Variants in STIM1 observed in about 807,000 individuals in gnomAD.
STIM1 encodes the protein stromal interaction molecule 1.
A neutral mutation model predicts 74.7 loss-of-function variants in STIM1; 25 were observed. That is an observed-to-expected ratio of 0.33 (90% CI 0.24 to 0.47). The LOEUF (loss-of-function observed/expected upper bound fraction) is 0.47. STIM1 is among the 20% of genes least tolerant of loss of function. STIM1 has a pLI of 1.00. For missense variants in STIM1, 728 were observed against 920.8 expected, an observed-to-expected ratio of 0.79 and a Z score of 2.71; for synonymous variants, 328 against 348.8, an observed-to-expected ratio of 0.94 and a Z score of 0.66.
chr11:3,867,835 A>G (rs981801757), intron 1 of STIM1, among the ~76,000 whole-genome samples: 1 of 149,314 alleles, frequency 6.7e-6, no homozygotes, highest in Non-Finnish European at 1.5e-5. Flanking sequence ...ATGACCAGAA[A>G]TCTCACTGGC....
At chr11:4,033,655 G>A (rs1056950102) in intron 3 of STIM1, among the ~76,000 whole-genome samples, 4 of 151,714 alleles carry the variant, frequency 2.6e-5, no homozygotes, top group Non-Finnish European at 2.9e-5. Context: ...GAGTGCAGTG[G>A]CATGATCTTG....
chr11:3,893,268 G>A (rs2091951846), intron 1 of STIM1, among the ~76,000 whole-genome samples: 1 of 152,114 alleles, frequency 6.6e-6, no homozygotes, highest in Non-Finnish European at 1.5e-5. Flanking sequence ...CAGCATAGAT[G>A]GACAGGGATG....
At chr11:3,992,045 A>G (rs2093618616) in intron 2 of STIM1, among the ~76,000 whole-genome samples, 1 of 140,966 alleles carries the variant, frequency 7.1e-6, no homozygotes. Context: ...AACTGTGTAT[A>G]AGTGTTTTCT....
rs546687856 is a variant in STIM1 at position 3,876,669 on chromosome 11, A to G, written c.139+20260A>G. 2.6e-5 allele frequency among the ~76,000 whole-genome samples: 4 copies of G among 152,270 alleles called. No individual in the cohort carries two copies. The South Asian group carries it at 8.3e-4, about 32-fold the overall frequency. On this transcript the variant is annotated intron_variant, in intron 1 of 12. Coordinates refer to ENST00000526596, the MANE Select transcript of STIM1 (RefSeq NM_001382567.1). The stretch of plus-strand genomic sequence containing the variant: ...AGTGATCCTCCTGCCTCCATCTCCC[A>G]AAGTGATGGAATTATGGGCCACTGG...
chr11:3,885,997 G>T (rs1045523136), intron 1 of STIM1, among the ~76,000 whole-genome samples: 1 of 152,142 alleles, frequency 6.6e-6, no homozygotes, highest in African/African-American at 2.4e-5. Flanking sequence ...ATCAATGAAG[G>T]TGTTGAGGAT....
At chr11:4,086,711 C>T (rs1444400470) in intron 12 of STIM1, 168 bp downstream of exon 12, 1 of 1,536,772 alleles carries the variant, frequency 6.5e-7, no homozygotes, top group South Asian at 1.2e-5. Flanking sequence ...ATCACCACTA[C>T]CACCACCACC....
chr11:4,021,205 A>C (rs2136006821), intron 2 of STIM1, among the ~76,000 whole-genome samples: 1 of 152,268 alleles, frequency 6.6e-6, no homozygotes, highest in South Asian at 2.1e-4. Context: ...AGCTCACTGC[A>C]GCCTCCACTT....
chr11:3,904,030 C>G (rs893414558), intron 1 of STIM1, among the ~76,000 whole-genome samples: 3 of 151,906 alleles, frequency 2.0e-5, no homozygotes, highest in Non-Finnish European at 2.9e-5. Context: ...AACCCCATCT[C>G]TACTAAAAAT....
chr11:4,003,727 G>T (rs2135923616), intron 2 of STIM1, among the ~76,000 whole-genome samples: 1 of 152,332 alleles, frequency 6.6e-6, no homozygotes, highest in Admixed American at 6.5e-5. Context: ...AGTGTTGGAA[G>T]TTCTGGCCAG....
At chr11:3,906,191 C>T (rs1462195646) in intron 1 of STIM1, among the ~76,000 whole-genome samples, 1 of 152,240 alleles carries the variant, frequency 6.6e-6, no homozygotes, top group African/African-American at 2.4e-5. Flanking sequence ...AGGATGCACT[C>T]TCTTTGGCAC....
intron 1 of STIM1, among the ~76,000 whole-genome samples, chr11:3,882,142 C>T (rs192405834): frequency 1.3e-3 from 197 of 146,398 alleles, no homozygotes; most frequent in African/African-American, 4.5e-3. Flanking sequence ...TCTTGTTGCC[C>T]AGGCTGGAGT....
chr11:4,052,917 G>A (rs867177195), intron 3 of STIM1, among the ~76,000 whole-genome samples: 42 of 152,264 alleles, frequency 2.8e-4, no homozygotes, highest in African/African-American at 1.9e-4. Flanking sequence ...AAAAGTAGGC[G>A]AAGGATATGA....
intron 2 of STIM1, among the ~76,000 whole-genome samples, chr11:3,978,621 G>T (rs2093472798): frequency 6.6e-6 from 1 of 151,764 alleles, no homozygotes; most frequent in South Asian, 2.1e-4. Context: ...ATTAGCTGGG[G>T]TTGGTATCAG....
rs141623520 is a variant in STIM1 at position 3,941,673 on chromosome 11, T to TATATAGAGAGAGAG, written c.140-25878_140-25877insTATAGAGAGAGAGA. ...GTATACATATATATATATATATATA[T>TATATAGAGAGAGAG]AGAGAGAGAGAGAGAGAGAGAGAGT... On this transcript the variant is annotated intron_variant, in intron 1 of 12. Coordinates refer to ENST00000526596, the MANE Select transcript of STIM1 (RefSeq NM_001382567.1). Among the ~76,000 whole-genome samples the TATATAGAGAGAGAG allele has an allele frequency of 1.2e-3, 105 of 90,710 alleles. 1 individual carries two copies. Among genetic ancestry groups the TATATAGAGAGAGAG allele is most frequent in the African/African-American group, 2.8e-3 (76 of 27,104 alleles). The allele number at this position is 90,710 out of a possible 152,430, so 59.5% of individuals were successfully genotyped here. A position where few individuals can be genotyped will look rare whatever the true frequency, so the allele number is the denominator to read the frequency against.
intron 1 of STIM1, among the ~76,000 whole-genome samples, chr11:3,873,187 G>A (rs1234422355): frequency 2.6e-5 from 4 of 152,086 alleles, no homozygotes; most frequent in South Asian, 2.1e-4. Flanking sequence ...AGGCCAAGGC[G>A]GGTGGATCAC....
At chr11:3,919,467 A>G (rs929276569) in intron 1 of STIM1, among the ~76,000 whole-genome samples, 8 of 151,318 alleles carry the variant, frequency 5.3e-5, no homozygotes, top group African/African-American at 9.7e-5. Context: ...TGCCTCCCAA[A>G]GTGCTGGGAT....
At chr11:3,971,799 C>A (rs1404146066) in intron 2 of STIM1, among the ~76,000 whole-genome samples, 1 of 152,154 alleles carries the variant, frequency 6.6e-6, no homozygotes, top group Non-Finnish European at 1.5e-5. Context: ...ACATTTATAA[C>A]CTTTAGAAAA....
In STIM1 at chr11:3,972,443, C is replaced by T. The variant is rs1022485629; in HGVS notation, c.270+4761C>T. On this transcript the variant is annotated intron_variant, in intron 2 of 12. Transcript: ENST00000526596. ...TTATCTTCTTATAGTTTTATCTCTT[C>T]TTTGATTCATTTTCATTTCTTTTTT... Among the ~76,000 whole-genome samples the T allele has an allele frequency of 2.0e-5, 3 of 152,094 alleles. No individual in the cohort carries two copies. In the East Asian group the frequency reaches 5.8e-4, roughly 29 times the overall value.
intron 1 of STIM1, among the ~76,000 whole-genome samples, chr11:3,937,116 C>T (rs2092941937): frequency 6.6e-6 from 1 of 151,738 alleles, no homozygotes; most frequent in African/African-American, 2.4e-5. Flanking sequence ...CATGGCAAAA[C>T]CCCATCTCTA....
Sources: gnomAD v4.1 joint callset for allele counts (sites outside exome capture counted in the v4.1 genomes callset) on GRCh38, gnomAD v4.1.1 for gene constraint, MANE v1.5 for transcripts, NCBI Gene and HGNC (gene_info 2026-07-23, HGNC 2026-07-21) for gene names.